Variants in SNX29 observed in about 807,000 individuals in gnomAD.
The protein encoded by SNX29 is sorting nexin 29, also known as sorting nexin-29.
In SNX29, 78 loss-of-function variants were observed where a neutral mutation model predicts 102.1. That is an observed-to-expected ratio of 0.76 (90% CI 0.64 to 0.92). The LOEUF is 0.92. SNX29 is among the 40% of genes least tolerant of loss of function. The probability of loss-of-function intolerance (pLI) is 0.00; values close to 1 mark genes in which losing one functional copy is unlikely to be tolerated. For synonymous variants in SNX29, 580 were observed against 414.5 expected (o/e 1.40, Z -4.85); for missense variants, 1,280 against 1,061.7 (o/e 1.21, Z -2.86).
chr16:12,222,847 G>T (rs1567328930), intron 14 of SNX29, among the ~76,000 whole-genome samples: 1 of 152,164 alleles, frequency 6.6e-6, no homozygotes, highest in Non-Finnish European at 1.5e-5. Context: ...GGGATTACAG[G>T]TGTAAGCCAC....
At chr16:12,318,722 G>A (rs2080835549) in intron 15 of SNX29, among the ~76,000 whole-genome samples, 2 of 151,350 alleles carry the variant, frequency 1.3e-5, no homozygotes, top group Non-Finnish European at 1.5e-5. Flanking sequence ...TTTCTGTAAC[G>A]AGGTACAGGG....
chr16:12,296,106 G>A (rs2079971474), intron 15 of SNX29, among the ~76,000 whole-genome samples: 1 of 152,120 alleles, frequency 6.6e-6, no homozygotes, highest in Non-Finnish European at 1.5e-5. Context: ...TCCTTCGGTG[G>A]TAAAAAGCTT....
intron 20 of SNX29, among the ~76,000 whole-genome samples, chr16:12,534,028 G>C (rs1431185194): frequency 6.6e-6 from 1 of 152,236 alleles, no homozygotes; most frequent in Non-Finnish European, 1.5e-5. Context: ...GGGGACTTTG[G>C]TGCATAAGTC....
intron 19 of SNX29, among the ~76,000 whole-genome samples, chr16:12,488,601 C>T (rs944572224): frequency 9.9e-5 from 15 of 152,244 alleles, no homozygotes; most frequent in South Asian, 2.1e-4. Context: ...TGTGTAGCAC[C>T]GGCTTTGCTG....
intron 14 of SNX29, among the ~76,000 whole-genome samples, chr16:12,234,940 C>G (rs1015022559): frequency 1.3e-5 from 2 of 150,916 alleles, no homozygotes; most frequent in African/African-American, 2.5e-5. Context: ...ATGTTTCTCT[C>G]TCCTTTTCAC....
At chr16:12,382,076 CT>C (rs1230082353) in intron 16 of SNX29, among the ~76,000 whole-genome samples, 1 of 152,050 alleles carries the variant, frequency 6.6e-6, no homozygotes, top group African/African-American at 2.4e-5. Flanking sequence ...ATGACCACCC[CT>C]GCCAATGAAT....
chr16:12,338,324 A>G (rs373703575), intron 15 of SNX29, among the ~76,000 whole-genome samples: 1 of 152,074 alleles, frequency 6.6e-6, no homozygotes, highest in East Asian at 1.9e-4. Context: ...CTCTGTTCAG[A>G]ACCCTGGGGA....
intron 19 of SNX29, among the ~76,000 whole-genome samples, chr16:12,481,631 T>C (rs1168795399): frequency 1.3e-5 from 2 of 151,594 alleles, no homozygotes; most frequent in African/African-American, 4.9e-5. Flanking sequence ...GTCTCCTGGG[T>C]TCAAGTGATT....
intron 15 of SNX29, among the ~76,000 whole-genome samples, chr16:12,338,995 C>A (rs1372283781): frequency 1.3e-5 from 1 of 74,324 alleles, no homozygotes; most frequent in Non-Finnish European, 3.7e-5. Context: ...CCACCTGTGG[C>A]CGTCATGGGC....
intron 14 of SNX29, among the ~76,000 whole-genome samples, chr16:12,258,902 C>G (rs548993392): frequency 1.3e-5 from 2 of 152,172 alleles, no homozygotes; most frequent in Admixed American, 6.5e-5. Flanking sequence ...CCCTGAGTCT[C>G]TGTCGGAGGA....
Position 12,572,790 on chromosome 16 carries a change from T to C in SNX29, c.*4161T>C. On this transcript the variant is annotated 3_prime_UTR_variant, in exon 21 of 21. Transcript: ENST00000566228. ...GAGGAAGACCCCACCTCACTCCTCCTTCCCCAGTACATCAGACTGGTTAGG... is the reference window on the plus strand; with the variant it reads ...GAGGAAGACCCCACCTCACTCCTCCCTCCCCAGTACATCAGACTGGTTAGG... The C allele has an allele frequency of 1.9e-6, 2 of 1,062,966 alleles. No individual in the cohort carries two copies. Among genetic ancestry groups the C allele is most frequent in the Non-Finnish European group, 2.3e-6 (2 of 877,746 alleles). The allele number at this position is 1,062,966 out of a possible 1,614,324, so 65.8% of individuals were successfully genotyped here. A position where few individuals can be genotyped will look rare whatever the true frequency, so the allele number is the denominator to read the frequency against.
intron 14 of SNX29, among the ~76,000 whole-genome samples, chr16:12,213,675 T>A (rs949599639): frequency 1.3e-5 from 2 of 152,220 alleles, no homozygotes; most frequent in South Asian, 4.1e-4. Flanking sequence ...GATAAATAAT[T>A]AAGATGAGAA....
At chr16:12,235,577 T>A (rs1567341643) in intron 14 of SNX29, among the ~76,000 whole-genome samples, 1 of 152,190 alleles carries the variant, frequency 6.6e-6, no homozygotes, top group Non-Finnish European at 1.5e-5. Context: ...TGATATATTT[T>A]CACCTGCCTA....
At chr16:12,307,564 A>C (rs949629011) in intron 15 of SNX29, among the ~76,000 whole-genome samples, 1 of 152,218 alleles carries the variant, frequency 6.6e-6, no homozygotes, top group African/African-American at 2.4e-5. Context: ...GAAGCTTAAT[A>C]GGTGTCAAAC....
chr16:12,165,232 C>T (rs1446722873), intron 13 of SNX29, among the ~76,000 whole-genome samples: 2 of 152,184 alleles, frequency 1.3e-5, no homozygotes, highest in African/African-American at 4.8e-5. Flanking sequence ...TCATGTGTTT[C>T]CTGCGTAATT....
chr16:12,130,640 C>G (rs2054424517), intron 13 of SNX29, among the ~76,000 whole-genome samples: 1 of 151,990 alleles, frequency 6.6e-6, no homozygotes, highest in Non-Finnish European at 1.5e-5. Context: ...AGTTTGCTCC[C>G]TAGAGGGGGT....
intron 3 of SNX29, among the ~76,000 whole-genome samples, chr16:12,010,641 A>AAC (rs1450861610): frequency 6.6e-6 from 1 of 152,150 alleles, no homozygotes; most frequent in Non-Finnish European, 1.5e-5. Context: ...CAAACAAACA[A>AAC]ACAAGAAATT....
intron 20 of SNX29, among the ~76,000 whole-genome samples, chr16:12,563,173 A>G (rs879812019): frequency 1.4e-5 from 2 of 146,554 alleles, no homozygotes; most frequent in Non-Finnish European, 3.0e-5. Context: ...CTCTGGGCTC[A>G]GGGATGTCAC....
intron 18 of SNX29, among the ~76,000 whole-genome samples, chr16:12,438,504 G>A (rs2085643676): frequency 6.6e-6 from 1 of 152,086 alleles, no homozygotes. Flanking sequence ...CTCAACCTCT[G>A]TCCAAGCAGG....
Sources: gnomAD v4.1 joint callset for allele counts (sites outside exome capture counted in the v4.1 genomes callset) on GRCh38, gnomAD v4.1.1 for gene constraint, MANE v1.5 for transcripts, NCBI Gene and HGNC (gene_info 2026-07-23, HGNC 2026-07-21) for gene names.